ZSWIM3: variants seen among roughly 807,000 people sequenced by gnomAD.
ZSWIM3 encodes the protein zinc finger SWIM-type containing 3, also known as zinc finger SWIM domain-containing protein 3.
In ZSWIM3, 27 loss-of-function variants were observed where a neutral mutation model predicts 47.5. That is an observed-to-expected ratio of 0.57 (90% confidence interval 0.42 to 0.78). The LOEUF is 0.78. Ranked by LOEUF, ZSWIM3 falls within the 30% of genes least tolerant of loss-of-function variation. ZSWIM3 has a pLI of 0.00. For synonymous variants in ZSWIM3, 333 were observed against 333.9 expected, an observed-to-expected ratio of 1.00 and a Z score of 0.03; for missense variants, 689 against 861.3, an observed-to-expected ratio of 0.80 and a Z score of 2.50.
chr20:45,868,829 G>T (rs919888536), intron 1 of ZSWIM3, among the ~76,000 whole-genome samples: 4 of 151,956 alleles, frequency 2.6e-5, no homozygotes, highest in African/African-American at 9.7e-5. Flanking sequence ...TTGAGACAGG[G>T]TCTTGTTTTG....
intron 1 of ZSWIM3, among the ~76,000 whole-genome samples, chr20:45,864,348 C>A (rs910891972): frequency 6.6e-6 from 1 of 152,130 alleles, no homozygotes; most frequent in African/African-American, 2.4e-5. Context: ...CAAACTGGCT[C>A]TGTGCAGAGC....
chr20:45,878,663 A>T lies in ZSWIM3; in HGVS notation c.*14A>T. On this transcript the variant is annotated 3_prime_UTR_variant, in exon 2 of 2. Coordinates refer to ENST00000255152, the MANE Select transcript of ZSWIM3 (RefSeq NM_080752.4). ...ATGCATTATTGAAGCACTTTAGCTG[A>T]AGCATTGGACCACAAACACTTCTCC... 6.3e-7 allele frequency: 1 copy of T among 1,592,600 alleles called. No individual in the cohort carries two copies. The highest frequency in any genetic ancestry group is 8.6e-7 in the Non-Finnish European group (1 of 1,166,150).
intron 1 of ZSWIM3, among the ~76,000 whole-genome samples, chr20:45,872,094 T>C (rs193055516): frequency 6.6e-6 from 1 of 152,336 alleles, no homozygotes; most frequent in Non-Finnish European, 1.5e-5. Flanking sequence ...CAGATTCTCA[T>C]CCTTGAGAAC....
At chr20:45,863,977 A>G (rs1255561038) in intron 1 of ZSWIM3, among the ~76,000 whole-genome samples, 1 of 152,194 alleles carries the variant, frequency 6.6e-6, no homozygotes, top group African/African-American at 2.4e-5. Flanking sequence ...CAGCCTGAGC[A>G]GCAGAGCGAG....
chr20:45,875,209 A>T (rs185114212), intron 1 of ZSWIM3, among the ~76,000 whole-genome samples: 5,701 of 151,202 alleles, frequency 0.038, 365 homozygotes, highest in African/African-American at 0.13. Context: ...CACCCAGCTA[A>T]TTTTTTGTAT....
rs769364635 is a variant in ZSWIM3, at chr20:45,877,941, A to G, written c.1383A>G (p.Gly461=). 1 of 1,614,150 alleles carries G rather than the reference A, an allele frequency of 6.2e-7. No individual in the cohort carries two copies. Among genetic ancestry groups the G allele is most frequent in the Admixed American group, 1.7e-5 (1 of 60,002 alleles). Residue 461 remains glycine (G), a synonymous_variant, in exon 2 of 2, where the codon GGA becomes GGG. Transcript: ENST00000255152. ...LKSKKAFGIC[G]ESLTSLPAEE... is the part of the protein sequence containing the mutation. ...CCAAGAAGGCTTTTGGAATCTGTGGAGAGAGCCTTACCAGCCTCCCTGCAG... is the reference window on the plus strand; with the variant it reads ...CCAAGAAGGCTTTTGGAATCTGTGGGGAGAGCCTTACCAGCCTCCCTGCAG...
intron 1 of ZSWIM3, among the ~76,000 whole-genome samples, chr20:45,869,989 A>AC (rs1195194441): frequency 6.9e-6 from 1 of 144,496 alleles, no homozygotes; most frequent in Admixed American, 7.3e-5. Context: ...GGTTACAGTG[A>AC]GTCGAGATCT....
At chr20:45,868,420 A>ATTT (rs10656048) in intron 1 of ZSWIM3, among the ~76,000 whole-genome samples, 5,348 of 150,414 alleles carry the variant, frequency 0.036, 101 homozygotes, top group African/African-American at 0.054. Flanking sequence ...GTGTTTGGGA[A>ATTT]TTTTTTTTTT....
rs762788474 is a variant in ZSWIM3, at chr20:45,877,116, G to C, written c.558G>C (p.Glu186Asp). Reference sequence around the variant, plus strand: ...TGAAGAACTTTCTTAAGGTAGATGAGGGTTCCATGGCTTCCTTCAGTGTGG... The same window carrying C: ...TGAAGAACTTTCTTAAGGTAGATGACGGTTCCATGGCTTCCTTCAGTGTGG... Reference protein sequence around the residue: ...KVMKNFLKVDEGSMASFSVGD... With the variant: ...KVMKNFLKVDDGSMASFSVGD... Residue 186 changes from glutamate (E) to aspartate (D), a missense_variant, in exon 2 of 2, where the codon GAG (glutamate) becomes GAC (aspartate). Physicochemically the swap from Glu to Asp is conservative, Grantham distance 45 (BLOSUM62 2). Coordinates refer to ENST00000255152, the MANE Select transcript of ZSWIM3 (RefSeq NM_080752.4). The C allele has an allele frequency of 6.2e-7, 1 of 1,614,196 alleles. No individual in the cohort carries two copies. Among genetic ancestry groups the C allele is most frequent in the East Asian group, 2.2e-5 (1 of 44,890 alleles).
In ZSWIM3 at chr20:45,878,490, C is replaced by T. The variant is rs754235021; in HGVS notation, c.1932C>T (p.Thr644=). 1.2e-6 allele frequency: 2 copies of T among 1,614,216 alleles called. No individual in the cohort carries two copies. Among genetic ancestry groups the T allele is most frequent in the East Asian group, 2.2e-5 (1 of 44,884 alleles). Residue 644 remains threonine (T), a synonymous_variant, in exon 2 of 2, where the codon ACC becomes ACT. Transcript: ENST00000255152. ...EGPELEERYS[T]LRKIVDIWAG... ...CAGAGCTGGAGGAACGCTACTCCACCCTGCGCAAGATTGTGGATATCTGGG... is the reference window on the plus strand; with the variant it reads ...CAGAGCTGGAGGAACGCTACTCCACTCTGCGCAAGATTGTGGATATCTGGG...
At chr20:45,872,214 C>T (rs1346217802) in intron 1 of ZSWIM3, among the ~76,000 whole-genome samples, 1 of 152,146 alleles carries the variant, frequency 6.6e-6, no homozygotes, top group South Asian at 2.1e-4. Context: ...TATAATAAAT[C>T]CTCAATACAT....
chr20:45,868,543 C>T (rs573368602), intron 1 of ZSWIM3, among the ~76,000 whole-genome samples: 3 of 151,962 alleles, frequency 2.0e-5, no homozygotes, highest in African/African-American at 4.8e-5. Context: ...CCACCACACC[C>T]GGCTAATTTT....
In ZSWIM3 at chr20:45,878,777, T is replaced by C. The variant is rs1298290382; in HGVS notation, c.*128T>C. On this transcript the variant is annotated 3_prime_UTR_variant, in exon 2 of 2. Transcript: ENST00000255152. ...TCCTAGGTGGGGCTAGGAATATTGT[T>C]ACAGTAGAGAGGAAGGGAACTCCAC... 16 of 1,228,860 alleles carry C rather than the reference T, an allele frequency of 1.3e-5. No individual in the cohort carries two copies. The highest frequency in any genetic ancestry group is 1.8e-5 in the Non-Finnish European group (16 of 903,502). The allele number at this position is 1,228,860 out of a possible 1,614,324, so 76.1% of individuals were successfully genotyped here.
intron 1 of ZSWIM3, among the ~76,000 whole-genome samples, chr20:45,874,234 G>A (rs369388489): frequency 2.0e-5 from 3 of 152,150 alleles, no homozygotes; most frequent in Admixed American, 1.3e-4. Flanking sequence ...GAAAGAGGCC[G>A]AGGGCGGTGG....
intron 1 of ZSWIM3, among the ~76,000 whole-genome samples, chr20:45,867,150 G>A (rs1351831256): frequency 6.6e-6 from 1 of 151,848 alleles, no homozygotes; most frequent in Non-Finnish European, 1.5e-5. Context: ...GGGATTACAG[G>A]TGCCCGTCAC....
Position 45,868,093 on chromosome 20 carries a change from C to T in ZSWIM3, c.156-8621C>T, listed in dbSNP as rs6073937. On this transcript the variant is annotated intron_variant, in intron 1 of 1. Transcript: ENST00000255152. ...CATTAACATGTTTGGTAGTCAATTT[C>T]TGGCTGATGAAGAGATACATTAAGC... 8.8e-3 allele frequency among the ~76,000 whole-genome samples: 1,342 copies of T among 152,318 alleles called. 15 individuals carry two copies. The highest frequency in any genetic ancestry group is 0.019 in the East Asian group (101 of 5,192).
At position 45,877,097 on chromosome 20, in the gene ZSWIM3, A is replaced by G. The variant is rs1645698850; in HGVS notation, c.539A>G (p.Asn180Ser). The G allele has an allele frequency of 6.2e-7, 1 of 1,614,038 alleles. No homozygotes were observed. Among genetic ancestry groups the G allele is most frequent in the Admixed American group, 1.7e-5 (1 of 59,986 alleles). ...DLAKIAKVMK[N>S]FLKVDEGSMA... ...GCCAAGATAGCAAAAGTGATGAAGA[A>G]CTTTCTTAAGGTAGATGAGGGTTCC... The change falls in exon 2 of 2, where the codon AAC (asparagine) becomes AGC (serine). Residue 180 changes from asparagine to serine, a missense_variant. By Grantham distance (46) the Asn-to-Ser change is conservative. Transcript: ENST00000255152.
chr20:45,878,845 T>C lies in ZSWIM3; in HGVS notation c.*196T>C, dbSNP rs140274967. The C allele has an allele frequency of 1.3e-5, 9 of 703,874 alleles. No homozygotes were observed. The highest frequency in any genetic ancestry group is 2.0e-5 in the Non-Finnish European group (9 of 452,196). 43.6% of individuals were successfully genotyped at this position (703,874 alleles called of 1,614,324 possible). A position where few individuals can be genotyped will look rare whatever the true frequency, so the allele number is the denominator to read the frequency against. ...AATCTGCCCCTTTTCAGCCCTACTT[T>C]TGGCATTCCTTGGGAGCCTCAGTTG... On this transcript the variant is annotated 3_prime_UTR_variant, in exon 2 of 2. Coordinates refer to ENST00000255152, the MANE Select transcript of ZSWIM3 (RefSeq NM_080752.4).
Position 45,877,366 on chromosome 20 carries a change from A to G in ZSWIM3, c.808A>G (p.Thr270Ala). 1 of 1,614,162 alleles carries G rather than the reference A, an allele frequency of 6.2e-7. No individual in the cohort carries two copies. Among genetic ancestry groups the G allele is most frequent in the East Asian group, 2.2e-5 (1 of 44,880 alleles). ...TSVAKMLSIF[T>A]EFNSDWPKVK... ...TGTGGCCAAGATGCTGAGCATCTTC[A>G]CAGAGTTCAACTCCGATTGGCCCAA... Residue 270 changes from threonine to alanine, a missense_variant, in exon 2 of 2, where the codon ACA becomes GCA. By Grantham distance (58) the Thr-to-Ala change is moderately conservative. Coordinates refer to ENST00000255152, the MANE Select transcript of ZSWIM3 (RefSeq NM_080752.4).
Sources: gnomAD v4.1 joint callset for allele counts (sites outside exome capture counted in the v4.1 genomes callset) on GRCh38, gnomAD v4.1.1 for gene constraint, MANE v1.5 for transcripts, NCBI Gene and HGNC (gene_info 2026-07-23, HGNC 2026-07-21) for gene names.